Variants in KIAA1217 observed in about 807,000 individuals in gnomAD.
The protein encoded by KIAA1217 is KIAA1217.
Under a neutral mutation model 163.9 loss-of-function variants are expected in KIAA1217, and 88 were observed. The ratio of observed to expected loss-of-function variants is 0.54; its 90% CI spans 0.45 to 0.64. The LOEUF is 0.64. Among genes scored for constraint, KIAA1217 ranks in the 30% least tolerant of loss-of-function variants. KIAA1217 has a pLI of 0.00. For missense variants in KIAA1217, 2,372 were observed against 2,475.0 expected (o/e 0.96, Z 0.88); for synonymous variants, 903 against 923.1 (o/e 0.98, Z 0.39).
intron 1 of KIAA1217, chr10:23,877,292 C>A (rs1215324572): frequency 6.6e-6 from 1 of 152,026 alleles, no homozygotes; most frequent in Non-Finnish European, 1.5e-5. Flanking sequence ...CATATTACTA[C>A]ATCCTGTTTG....
chr10:24,303,185 T>A (rs1328683699), intron 2 of KIAA1217, among the ~76,000 whole-genome samples: 2 of 151,952 alleles, frequency 1.3e-5, no homozygotes, highest in African/African-American at 4.8e-5. Flanking sequence ...AGTTAATTTT[T>A]AAATTTTTTT....
At chr10:23,792,406 A>G (rs1050404220) in intron 1 of KIAA1217, among the ~76,000 whole-genome samples, 2 of 152,160 alleles carry the variant, frequency 1.3e-5, no homozygotes, top group Admixed American at 6.6e-5. Flanking sequence ...CTTTCCGCAT[A>G]TTAGTCTTTT....
intron 3 of KIAA1217, among the ~76,000 whole-genome samples, chr10:24,426,207 A>G (rs1217494771): frequency 6.6e-6 from 1 of 152,252 alleles, no homozygotes; most frequent in Non-Finnish European, 1.5e-5. Flanking sequence ...GCCACATTAC[A>G]GGAATAATTT....
At chr10:24,270,730 A>G (rs1194431068) in intron 2 of KIAA1217, among the ~76,000 whole-genome samples, 1 of 152,014 alleles carries the variant, frequency 6.6e-6, no homozygotes, top group Non-Finnish European at 1.5e-5. Context: ...TTTTTTTAGT[A>G]GTTATGGGGT....
chr10:23,710,365 C>T (rs1242820621), intron 1 of KIAA1217, among the ~76,000 whole-genome samples: 1 of 152,212 alleles, frequency 6.6e-6, no homozygotes, highest in African/African-American at 2.4e-5. Context: ...TACTCTTTAA[C>T]ACAGTTGCTC....
At chr10:24,406,379 A>G (rs980852981) in intron 3 of KIAA1217, among the ~76,000 whole-genome samples, 2 of 134,584 alleles carry the variant, frequency 1.5e-5, no homozygotes, top group Admixed American at 8.0e-5. Context: ...ATGCAAAGGT[A>G]CATTCACACA....
At chr10:24,248,037 T>A (rs1417170158) in intron 2 of KIAA1217, among the ~76,000 whole-genome samples, 3 of 152,236 alleles carry the variant, frequency 2.0e-5, no homozygotes, top group Non-Finnish European at 2.9e-5. Flanking sequence ...AGATGGTACC[T>A]TCATCTCACA....
chr10:23,920,305 C>A (rs1051022221), intron 1 of KIAA1217, among the ~76,000 whole-genome samples: 26 of 152,162 alleles, frequency 1.7e-4, no homozygotes, highest in Non-Finnish European at 8.8e-5. Context: ...AGACATCGGA[C>A]ACTTTTGCTT....
rs139806518 is a variant in KIAA1217, at chr10:24,543,735, G to A, written c.4465G>A (p.Gly1489Arg). ...KIEEEEEEENGDSVVQNNNTS... is the reference protein window; with the variant it reads ...KIEEEEEEENRDSVVQNNNTS... ...AGAGGAGGAGGAAGAGGAGGAAAATGGGGATTCTGTAGTCCAGAATAATAA... is the reference window on the plus strand; with the variant it reads ...AGAGGAGGAGGAAGAGGAGGAAAATAGGGATTCTGTAGTCCAGAATAATAA... Residue 1489 changes from glycine (G) to arginine (R), a missense_variant, in exon 19 of 21, where the codon GGG becomes AGG. This residue lies in a region of KIAA1217 where 690 missense variants were observed against 677.5 expected (regional missense o/e 1.02). Coordinates refer to ENST00000376454, the MANE Select transcript of KIAA1217 (RefSeq NM_019590.5). 29 of 1,613,568 alleles carry A rather than the reference G, an allele frequency of 1.8e-5. No homozygotes were observed. In the African/African-American group the frequency reaches 3.9e-4, roughly 22 times the overall value.
At chr10:23,989,786 C>A (rs1455090509) in intron 1 of KIAA1217, among the ~76,000 whole-genome samples, 1 of 152,158 alleles carries the variant, frequency 6.6e-6, no homozygotes, top group Non-Finnish European at 1.5e-5. Flanking sequence ...TAGTTTACAT[C>A]CCCTTAGTTC....
At chr10:24,064,463 A>G (rs976799875) in intron 2 of KIAA1217, among the ~76,000 whole-genome samples, 6 of 152,144 alleles carry the variant, frequency 3.9e-5, no homozygotes, top group African/African-American at 1.2e-4. Context: ...GCATATGTTG[A>G]ACCAGCCTTG....
chr10:23,936,301 T>C (rs1589110104), intron 1 of KIAA1217, among the ~76,000 whole-genome samples: 3 of 151,240 alleles, frequency 2.0e-5, no homozygotes, highest in African/African-American at 7.3e-5. Context: ...AAAGGTGGAG[T>C]GTAGAATTGA....
At chr10:24,479,693 G>A (rs1369242482) in intron 6 of KIAA1217, among the ~76,000 whole-genome samples, 3 of 152,170 alleles carry the variant, frequency 2.0e-5, no homozygotes, top group Admixed American at 6.5e-5. Context: ...TAGAGGCTGA[G>A]AAGTTCTAGG....
chr10:24,458,146 G>C (rs2132505317), intron 5 of KIAA1217, among the ~76,000 whole-genome samples: 1 of 152,332 alleles, frequency 6.6e-6, no homozygotes, highest in African/African-American at 2.4e-5. Context: ...CCCGGCCTCA[G>C]GGCATGTACA....
intron 2 of KIAA1217, among the ~76,000 whole-genome samples, chr10:24,327,283 A>G (rs2045044081): frequency 6.6e-6 from 1 of 152,192 alleles, no homozygotes. Flanking sequence ...TACCATCACT[A>G]TGATACCCAG....
chr10:24,476,395 C>G (rs968798361), intron 6 of KIAA1217, among the ~76,000 whole-genome samples: 2 of 152,092 alleles, frequency 1.3e-5, no homozygotes, highest in African/African-American at 4.8e-5. Flanking sequence ...CTTTGAGAGC[C>G]TCCACTCCCT....
intron 1 of KIAA1217, among the ~76,000 whole-genome samples, chr10:23,780,679 CT>C (rs1429849610): frequency 1.3e-5 from 2 of 152,000 alleles, no homozygotes; most frequent in Non-Finnish European, 2.9e-5. Context: ...ACCAGATTTT[CT>C]TTTTTGGGAG....
intron 6 of KIAA1217, among the ~76,000 whole-genome samples, chr10:24,489,860 CAAAAAAAAAAAAAA>C (rs11393718): frequency 1.2e-4 from 8 of 64,914 alleles, no homozygotes; most frequent in South Asian, 1.5e-3. Flanking sequence ...GAGAACCTGT[CAAAAAAAAAAAAAA>C]AAAAAAAAAA....
intron 1 of KIAA1217, among the ~76,000 whole-genome samples, chr10:23,936,520 G>A (rs1843533513): frequency 6.6e-6 from 1 of 152,158 alleles, no homozygotes; most frequent in Admixed American, 6.5e-5. Context: ...ATAAAAGGAA[G>A]CAAAGGGAGA....
Sources: allele counts gnomAD v4.1 joint callset (sites outside exome capture counted in the v4.1 genomes callset), GRCh38; gene constraint gnomAD v4.1.1; regional missense constraint gnomAD v4.1.1; transcripts MANE v1.5; gene names NCBI Gene and HGNC (gene_info 2026-07-23, HGNC 2026-07-21).